Variants in OCA2 observed in about 807,000 individuals in gnomAD.
OCA2 encodes OCA2 melanosomal transmembrane protein.
A neutral mutation model predicts 100.2 loss-of-function variants in OCA2; 77 were observed. The observed-to-expected ratio is 0.77, with a 90% CI of 0.64 to 0.93. The LOEUF (loss-of-function observed/expected upper bound fraction) is 0.93, where lower values mean the gene tolerates loss of function less well. OCA2 is among the 40% of genes least tolerant of loss of function. The pLI, the probability that OCA2 is intolerant of heterozygous loss-of-function variation, is 0.00. For synonymous variants in OCA2, 432 were observed against 439.2 expected (o/e 0.98, Z 0.21); for missense variants, 1,062 against 1,089.1 (o/e 0.98, Z 0.35).
chr15:27,845,274 T>C (rs2035489542), intron 22 of OCA2, among the ~76,000 whole-genome samples: 1 of 152,162 alleles, frequency 6.6e-6, no homozygotes, highest in Non-Finnish European at 1.5e-5. Flanking sequence ...GATAAGACCA[T>C]GGCTGTTGTA....
chr15:27,734,286 CAA>C, the OCA2 span, among the ~76,000 whole-genome samples: 2 of 76,362 alleles, frequency 2.6e-5, no homozygotes, highest in African/African-American at 4.2e-5. Context: ...TTTTCAAGAG[CAA>C]AAAAAAAAAA....
intron 1 of OCA2, among the ~76,000 whole-genome samples, chr15:28,095,280 C>A (rs2044953604): frequency 6.6e-6 from 1 of 152,148 alleles, no homozygotes; most frequent in African/African-American, 2.4e-5. Flanking sequence ...GGCCGCCCTG[C>A]GCACTCCCCG....
the OCA2 span, among the ~76,000 whole-genome samples, chr15:27,745,071 C>G: frequency 6.6e-6 from 1 of 152,122 alleles, no homozygotes; most frequent in Admixed American, 6.5e-5. Context: ...GTCCCGATCC[C>G]GACCCCCAGA....
At chr15:28,062,969 A>G (rs1035475014) in intron 2 of OCA2, among the ~76,000 whole-genome samples, 1 of 152,172 alleles carries the variant, frequency 6.6e-6, no homozygotes, top group African/African-American at 2.4e-5. Flanking sequence ...CTTTGTAGTA[A>G]CTTCTGAAAG....
chr15:27,766,972 G>A (rs527830247), intron 23 of OCA2, among the ~76,000 whole-genome samples: 133 of 152,278 alleles, frequency 8.7e-4, no homozygotes, highest in Middle Eastern at 3.4e-3. Context: ...TAAACCTTAC[G>A]TCTCCTTCCC....
At chr15:27,802,879 AAC>A (rs1173137412) in intron 23 of OCA2, among the ~76,000 whole-genome samples, 4 of 152,308 alleles carry the variant, frequency 2.6e-5, no homozygotes, top group Non-Finnish European at 2.9e-5. Flanking sequence ...AACACTAAAA[AAC>A]ACAATACATG....
At chr15:27,871,055 G>A (rs2036548486) in intron 21 of OCA2, 99 bp downstream of exon 21, 4 of 893,390 alleles carry the variant, frequency 4.5e-6, no homozygotes, top group Admixed American at 1.9e-5. Flanking sequence ...GTGCAGCAGA[G>A]GGGCAGGCTT....
chr15:27,979,799 A>G lies in OCA2; in HGVS notation c.1503+3546T>C, dbSNP rs551245660. ...ACTGCAACCTCCGCCTCCTGGGTTC[A>G]AGCAATCCTTCTGCCTCAGCCTCCT... On this transcript the variant is annotated intron_variant, in intron 14 of 23. Coordinates refer to ENST00000354638, the MANE Select transcript of OCA2 (RefSeq NM_000275.3). Among the ~76,000 whole-genome samples, 448 of 151,150 alleles carry G rather than the reference A, an allele frequency of 3.0e-3. 4 individuals are homozygous for G. The highest frequency in any genetic ancestry group is 0.01 in the African/African-American group (426 of 41,196).
chr15:28,038,663 A>G (rs1488322248), intron 2 of OCA2, among the ~76,000 whole-genome samples: 1 of 152,236 alleles, frequency 6.6e-6, no homozygotes, highest in Non-Finnish European at 1.5e-5. Context: ...ACCGAAAAAA[A>G]CACAAACATG....
At chr15:27,768,636 G>C (rs986416086) in intron 23 of OCA2, among the ~76,000 whole-genome samples, 2 of 152,124 alleles carry the variant, frequency 1.3e-5, no homozygotes, top group Admixed American at 1.3e-4. Context: ...TCCTGGCTTG[G>C]CCAGCCTCGA....
chr15:27,789,569 A>G (rs1481954296), intron 23 of OCA2, among the ~76,000 whole-genome samples: 1 of 152,206 alleles, frequency 6.6e-6, no homozygotes, highest in Non-Finnish European at 1.5e-5. Flanking sequence ...CCTCTCAAGT[A>G]CAGATGCAGC....
At chr15:27,946,092 T>C (rs781571544) in intron 18 of OCA2, among the ~76,000 whole-genome samples, 1 of 152,208 alleles carries the variant, frequency 6.6e-6, no homozygotes, top group Non-Finnish European at 1.5e-5. Flanking sequence ...CATGCTCGGA[T>C]GACAGGGTGC....
downstream of OCA2, among the ~76,000 whole-genome samples, chr15:27,752,794 T>TCCC (rs1430340470): frequency 3.9e-5 from 1 of 25,402 alleles, no homozygotes; most frequent in Non-Finnish European, 5.5e-5. Flanking sequence ...CAGGTCCTGG[T>TCCC]CCCCCACCCC....
the OCA2 span, among the ~76,000 whole-genome samples, chr15:27,742,959 C>G: frequency 3.3e-5 from 5 of 152,200 alleles, no homozygotes; most frequent in African/African-American, 1.2e-4. Flanking sequence ...CCTCAGGAGG[C>G]TGAGTATTCG....
At chr15:27,986,675 T>C in intron 11 of OCA2, 32 bp from the exon 12 acceptor site, 2 of 1,390,432 alleles carry the variant, frequency 1.4e-6, no homozygotes, top group Non-Finnish European at 2.1e-6. Context: ...AAGGATAATC[T>C]TTTAGCAGGA....
At chr15:27,804,925 T>C (rs1323954079) in intron 23 of OCA2, among the ~76,000 whole-genome samples, 2 of 152,248 alleles carry the variant, frequency 1.3e-5, no homozygotes, top group Admixed American at 1.3e-4. Flanking sequence ...ACACAAGCTC[T>C]GGGCTCCGTT....
Position 27,951,832 on chromosome 15 carries a change from A to G in OCA2, c.1903T>C (p.Phe635Leu), listed in dbSNP as rs554843849. ...ACAAACGAATTGAGGAAAAACATGA[A>G]GATAACAAATCCCAACACTGTCAGG... Reference protein sequence around the residue: ...KCLTVLGFVIFMFFLNSFVPG... With the variant: ...KCLTVLGFVILMFFLNSFVPG... Residue 635 changes from phenylalanine (F) to leucine (L), a missense_variant, in exon 18 of 24, where the codon TTC (phenylalanine) becomes CTC (leucine). Physicochemically the swap from Phe to Leu is conservative, Grantham distance 22. Coordinates refer to ENST00000354638, the MANE Select transcript of OCA2 (RefSeq NM_000275.3). The G allele has an allele frequency of 1.2e-6, 2 of 1,614,086 alleles. No homozygotes were observed. The highest frequency in any genetic ancestry group is 3.3e-5 in the Admixed American group (2 of 60,020).
chr15:28,013,221 AGG>A (rs1216653879), intron 9 of OCA2, among the ~76,000 whole-genome samples: 3 of 152,186 alleles, frequency 2.0e-5, no homozygotes, highest in African/African-American at 7.2e-5. Flanking sequence ...TGTAGGAAAT[AGG>A]ATAGAGCAGC....
chr15:28,010,930 C>CAAACTT (rs2042222080), intron 9 of OCA2, among the ~76,000 whole-genome samples: 2 of 152,254 alleles, frequency 1.3e-5, no homozygotes, highest in South Asian at 4.2e-4. Flanking sequence ...TCCCAGTGTC[C>CAAACTT]AAACTTACAC....
Sources: gnomAD v4.1 joint callset for allele counts (sites outside exome capture counted in the v4.1 genomes callset) on GRCh38, gnomAD v4.1.1 for gene constraint, MANE v1.5 for transcripts, NCBI Gene and HGNC (gene_info 2026-07-23, HGNC 2026-07-21) for gene names.